The following RYR1 variants were observed in gnomAD, a reference collection of about 807,000 sequenced individuals.
RYR1 encodes the protein ryanodine receptor 1.
In RYR1, 342 loss-of-function variants were observed where a neutral mutation model predicts 583.5. The observed-to-expected ratio is 0.59, with a 90% confidence interval of 0.54 to 0.64. The LOEUF (loss-of-function observed/expected upper bound fraction) is 0.64. Among genes scored for constraint, RYR1 ranks in the 30% least tolerant of loss-of-function variants. The pLI, the probability that RYR1 is intolerant of heterozygous loss-of-function variation, is 0.00. For synonymous variants in RYR1, 2,791 were observed against 2,822.5 expected, an observed-to-expected ratio of 0.99 and a Z score of 0.35; for missense variants, 6,032 against 6,917.2, an observed-to-expected ratio of 0.87 and a Z score of 4.54.
chr19:38,442,242 C>T (rs914074618), intron 2 of RYR1, 107 bp from the exon 3 acceptor site: 24 of 781,292 alleles, frequency 3.1e-5, no homozygotes, highest in Non-Finnish European at 5.2e-5. Context: ...TGGGGTCTGG[C>T]GTCTCAAGAG....
intron 1 of RYR1, among the ~76,000 whole-genome samples, chr19:38,440,452 T>C (rs1037532272): frequency 2.0e-5 from 3 of 152,154 alleles, no homozygotes; most frequent in African/African-American, 7.2e-5. Context: ...GGCAGGAGAA[T>C]CGCTTGAACC....
chr19:38,498,807 C>T (rs1392813816), intron 42 of RYR1, among the ~76,000 whole-genome samples: 1 of 152,200 alleles, frequency 6.6e-6, no homozygotes, highest in African/African-American at 2.4e-5. Context: ...GGCTTCTTTA[C>T]TGCAGCCTAT....
At position 38,499,155 on chromosome 19, in the gene RYR1, T is replaced by C; in HGVS notation, c.6939T>C (p.Leu2313=). 1 of 1,614,114 alleles carries C rather than the reference T, an allele frequency of 6.2e-7. No individual in the cohort carries two copies. Among genetic ancestry groups the C allele is most frequent in the Non-Finnish European group, 8.5e-7 (1 of 1,180,010 alleles). ...GTGGCCTCCAGAGCTGCCCCATGCT[T>C]GTGGCCAAAGGGTACCCAGACATTG... ...AGCGLQSCPM[L]VAKGYPDIGW... The change falls in exon 43 of 106, where the codon CTT becomes CTC. Residue 2313 remains leucine (L), a synonymous_variant. Coordinates refer to ENST00000359596, the MANE Select transcript of RYR1 (RefSeq NM_000540.3). This position sits in a 1 kb window ranked among gnomAD's most constrained non-coding sequence, Gnocchi z 7.3.
rs1323506171 is a variant in RYR1 at position 38,561,555 on chromosome 19, C to T, written c.12624+101C>T. 7.0e-6 allele frequency: 8 copies of T among 1,148,800 alleles called. No homozygotes were observed. Among genetic ancestry groups the T allele is most frequent in the Non-Finnish European group, 9.9e-6 (8 of 810,760 alleles). The allele number at this position is 1,148,800 out of a possible 1,614,324, so 71.2% of individuals were successfully genotyped here. A position where few individuals can be genotyped will look rare whatever the true frequency, so the allele number is the denominator to read the frequency against. On this transcript the variant is annotated intron_variant, in intron 90 of 105. Transcript: ENST00000359596. This position sits in a 1 kb window ranked among gnomAD's most constrained non-coding sequence, Gnocchi z 4.8. ...GACCCCACGGGGGCTGTGCGTGCCT[C>T]GCATATCTGCCCTGCTCCGGCAAGC...
At chr19:38,578,337 T>C in intron 99 of RYR1, 133 bp downstream of exon 99, 1 of 820,598 alleles carries the variant, frequency 1.2e-6, no homozygotes, top group Non-Finnish European at 2.0e-6. Context: ...GGTATCTTCT[T>C]ATCCACACAA....
chr19:38,464,634 C>A lies in RYR1; in HGVS notation c.2787-5C>A. 3 of 1,575,330 alleles carry A rather than the reference C, an allele frequency of 1.9e-6. No homozygotes were observed. Among genetic ancestry groups the A allele is most frequent in the Non-Finnish European group, 1.7e-6 (2 of 1,160,148 alleles). On this transcript the variant is annotated splice_polypyrimidine_tract_variant and splice_region_variant and intron_variant, in intron 22 of 105. Transcript: ENST00000359596. ...GACCTGTCGCCTCCACTCCCCCACC[C>A]CCAGGACTCTGCTGGCTCTGGGCTG... is the stretch of plus-strand genomic sequence containing the variant.
chr19:38,538,745 C>T (rs1972080921), intron 84 of RYR1: 1 of 152,200 alleles, frequency 6.6e-6, no homozygotes, highest in Non-Finnish European at 1.5e-5. Flanking sequence ...TCTTTCCTAT[C>T]TTAAGCAAGA....
At chr19:38,566,364 G>A (rs1311374204) in intron 91 of RYR1, among the ~76,000 whole-genome samples, 1 of 143,756 alleles carries the variant, frequency 7.0e-6, no homozygotes, top group African/African-American at 2.6e-5. Flanking sequence ...CAGGAGAATC[G>A]CTTGAACCCG....
chr19:38,477,612 A>G, intron 29 of RYR1, 98 bp from the exon 30 acceptor site: 2 of 1,483,260 alleles, frequency 1.3e-6, no homozygotes, highest in Non-Finnish European at 9.4e-7. Flanking sequence ...TTAAACTCCC[A>G]GAGGACCCAA....
At chr19:38,458,499 G>C (rs1298540806) in intron 18 of RYR1, among the ~76,000 whole-genome samples, 2 of 152,138 alleles carry the variant, frequency 1.3e-5, no homozygotes, top group Non-Finnish European at 2.9e-5. Flanking sequence ...ACAGAACTCT[G>C]ATCCCAGAGT....
chr19:38,526,781 G>GT (rs1387036006), intron 71 of RYR1, among the ~76,000 whole-genome samples: 1 of 152,010 alleles, frequency 6.6e-6, no homozygotes, highest in African/African-American at 2.4e-5. Context: ...AATCCTTACT[G>GT]TATCTTCAAG....
rs886038330 is a variant in RYR1 at position 38,478,430 on chromosome 19, T to C, written c.4455-5T>C. ...GAGTGCAGTGACCGCTTCTGTCTCC[T>C]GCAGCCTCAAGTGTAGCAACTGCTA... On this transcript the variant is annotated splice_polypyrimidine_tract_variant and splice_region_variant and intron_variant, in intron 30 of 105. Coordinates refer to ENST00000359596, the MANE Select transcript of RYR1 (RefSeq NM_000540.3). 5.6e-6 allele frequency: 9 copies of C among 1,612,962 alleles called. No homozygotes were observed. Among genetic ancestry groups the C allele is most frequent in the Non-Finnish European group, 6.8e-6 (8 of 1,180,026 alleles).
intron 89 of RYR1, among the ~76,000 whole-genome samples, chr19:38,551,644 A>G (rs1037183170): frequency 6.6e-6 from 1 of 152,032 alleles, no homozygotes; most frequent in Non-Finnish European, 1.5e-5. Context: ...GACCAAGATC[A>G]TCAGTGACCT....
chr19:38,586,602 G>A (rs748522756), intron 105 of RYR1, 26 bp downstream of exon 105: 43 of 1,610,062 alleles, frequency 2.7e-5, no homozygotes, highest in Non-Finnish European at 3.5e-5. Context: ...TGGGAGGACA[G>A]TGGGCAGGAC....
chr19:38,475,879 A>C (rs925851840), intron 29 of RYR1, among the ~76,000 whole-genome samples: 18 of 152,160 alleles, frequency 1.2e-4, no homozygotes, highest in African/African-American at 4.4e-4. Context: ...TCATAGACAG[A>C]CAGCCTAGTG....
chr19:38,515,200 A>G, intron 64 of RYR1, 93 bp downstream of exon 64: 1 of 986,974 alleles, frequency 1.0e-6, no homozygotes, highest in Non-Finnish European at 1.6e-6. Context: ...AAAGCAGGGT[A>G]GATGTTAAGA....
chr19:38,579,118 C>T (rs1037192070), intron 99 of RYR1, among the ~76,000 whole-genome samples: 20 of 150,942 alleles, frequency 1.3e-4, no homozygotes, highest in Middle Eastern at 3.5e-3. Flanking sequence ...GAGACCCTGT[C>T]TCTAACAAAA....
In RYR1 at chr19:38,460,549, C is replaced by T. The variant is rs754478694; in HGVS notation, c.2535C>T (p.Leu845=). ...ACCTGGTGGGCCCCAGTCGCTGCCT[C>T]TCACACACCGACTTCGTGCCCTGCC... ...GPHLVGPSRC[L]SHTDFVPCPV... is the part of the protein sequence containing the mutation. Residue 845 remains leucine, a synonymous_variant, in exon 20 of 106, where the codon CTC becomes CTT. Transcript: ENST00000359596. 2 of 1,613,866 alleles carry T rather than the reference C, an allele frequency of 1.2e-6. No individual in the cohort carries two copies. The highest frequency in any genetic ancestry group is 2.2e-5 in the South Asian group (2 of 91,090).
At chr19:38,507,674 G>T (rs1248952866) in intron 57 of RYR1, 38 bp from the exon 58 acceptor site, 1 of 1,302,040 alleles carries the variant, frequency 7.7e-7, no homozygotes, top group Non-Finnish European at 1.1e-6. Flanking sequence ...TGTAGGGCCG[G>T]CGTCTGGGCT....
Sources: allele counts gnomAD v4.1 joint callset (sites outside exome capture counted in the v4.1 genomes callset), GRCh38; gene constraint gnomAD v4.1.1; non-coding constraint Gnocchi (gnomAD v3.1); transcripts MANE v1.5; gene names NCBI Gene and HGNC (gene_info 2026-07-23, HGNC 2026-07-21).